The following ADAMDEC1 variants were observed in gnomAD, a reference collection of about 807,000 sequenced individuals.
The protein encoded by ADAMDEC1 is ADAM DEC1.
A neutral mutation model predicts 60.4 loss-of-function variants in ADAMDEC1; 62 were observed. The observed-to-expected ratio is 1.03, with a 90% CI of 0.84 to 1.27. The LOEUF (loss-of-function observed/expected upper bound fraction) is 1.27, where lower values mean the gene tolerates loss of function less well. Among genes scored for constraint, ADAMDEC1 ranks in the 50% most tolerant of loss-of-function variants. The probability of loss-of-function intolerance (pLI) is 0.00; values close to 1 mark genes in which losing one functional copy is unlikely to be tolerated. For synonymous variants in ADAMDEC1, 210 were observed against 195.1 expected, an observed-to-expected ratio of 1.08 and a Z score of -0.64; for missense variants, 595 against 565.0, an observed-to-expected ratio of 1.05 and a Z score of -0.54.
intron 5 of ADAMDEC1, 42 bp from the exon 6 acceptor site, chr8:24,397,228 G>A (rs750263261): frequency 2.1e-5 from 32 of 1,547,732 alleles, no homozygotes; most frequent in Non-Finnish European, 2.8e-5. Context: ...ATATGACACT[G>A]TGTGTCAGGA....
intron 1 of ADAMDEC1, 47 bp from the exon 2 acceptor site, chr8:24,392,215 C>G: frequency 2.0e-6 from 3 of 1,473,160 alleles, no homozygotes; most frequent in Non-Finnish European, 1.9e-6. Context: ...ACGACTAAAA[C>G]CAAAACCTTT....
intron 12 of ADAMDEC1, 126 bp downstream of exon 12, chr8:24,402,218 GT>G: frequency 3.6e-6 from 3 of 837,476 alleles, no homozygotes; most frequent in Non-Finnish European, 5.3e-6. Context: ...ATTTGTGCTT[GT>G]GTTTTTGCTA....
intron 2 of ADAMDEC1, 67 bp downstream of exon 2, chr8:24,392,447 C>T: frequency 8.6e-7 from 1 of 1,163,146 alleles, no homozygotes; most frequent in South Asian, 1.4e-5. Flanking sequence ...AGCCTTTTCA[C>T]TAACAGAAGT....
At chr8:24,392,731 TCAGC>T (rs1691123636) in intron 2 of ADAMDEC1, among the ~76,000 whole-genome samples, 2 of 152,198 alleles carry the variant, frequency 1.3e-5, no homozygotes, top group Non-Finnish European at 2.9e-5. Flanking sequence ...GTCTTTTTCC[TCAGC>T]CATTTTGTCA....
chr8:24,402,580 G>A (rs1419505432), intron 12 of ADAMDEC1, among the ~76,000 whole-genome samples: 3 of 152,074 alleles, frequency 2.0e-5, no homozygotes, highest in African/African-American at 7.2e-5. Flanking sequence ...TCCAGAATAA[G>A]CACTATGATT....
intron 11 of ADAMDEC1, among the ~76,000 whole-genome samples, chr8:24,401,465 A>G (rs1817764075): frequency 6.6e-6 from 1 of 152,204 alleles, no homozygotes; most frequent in African/African-American, 2.4e-5. Context: ...TAAATAAAAC[A>G]TACTTTGTTC....
chr8:24,388,015 T>C (rs151139814), intron 1 of ADAMDEC1: 3,559 of 152,456 alleles, frequency 0.023, 139 homozygotes, highest in African/African-American at 0.082. Context: ...AAACTGTAGG[T>C]AATTAACATT....
In ADAMDEC1 at chr8:24,384,522, C is replaced by T. The variant is rs764795387; in HGVS notation, c.18C>T (p.Ser6=). MLRGI[S]QLPAVATMSW... Reference sequence around the variant, plus strand: ...ACAACTTCATGCTGCGTGGGATCTCCCAGCTACCTGCAGTGGCCACCATGT... The same window carrying T: ...ACAACTTCATGCTGCGTGGGATCTCTCAGCTACCTGCAGTGGCCACCATGT... Residue 6 remains serine, a synonymous_variant, in exon 1 of 14, where the codon TCC becomes TCT. Transcript: ENST00000256412. 9.3e-6 allele frequency: 15 copies of T among 1,609,158 alleles called. No homozygotes were observed. The highest frequency in any genetic ancestry group is 1.3e-5 in the Non-Finnish European group (15 of 1,177,616).
intron 1 of ADAMDEC1, among the ~76,000 whole-genome samples, chr8:24,390,587 G>C (rs1473420524): frequency 1.3e-5 from 2 of 152,084 alleles, no homozygotes; most frequent in African/African-American, 2.4e-5. Context: ...AGGTGTGGTG[G>C]TACGCAACTG....
chr8:24,402,177 A>C (rs1282032390), intron 12 of ADAMDEC1, 85 bp downstream of exon 12: 6 of 1,268,082 alleles, frequency 4.7e-6, no homozygotes, highest in Non-Finnish European at 6.5e-6. Flanking sequence ...TTCTTTCTAA[A>C]GACAAACTTG....
chr8:24,400,577 G>A (rs563245482), intron 11 of ADAMDEC1, among the ~76,000 whole-genome samples: 2 of 151,754 alleles, frequency 1.3e-5, no homozygotes, highest in East Asian at 1.9e-4. Context: ...GACATCAAAA[G>A]TGCTATTTTA....
Position 24,399,456 on chromosome 8 carries a change from T to G in ADAMDEC1, c.993T>G (p.Ser331=), listed in dbSNP as rs770274978. The change falls in exon 10 of 14, where the codon TCT becomes TCG. Residue 331 remains serine (S), a synonymous_variant. Coordinates refer to ENST00000256412, the MANE Select transcript of ADAMDEC1 (RefSeq NM_014479.3). ...CTTCAAATTCCTTGTGTTCCCCATC[T>G]TCGGTTGCTGTTATTGAGGTTTGTA... ...LAASNSLCSP[S]SVAVIEAKKK... is the part of the protein sequence containing the mutation. 1 of 1,613,886 alleles carries G rather than the reference T, an allele frequency of 6.2e-7. No individual in the cohort carries two copies. The highest frequency in any genetic ancestry group is 8.5e-7 in the Non-Finnish European group (1 of 1,179,824).
Position 24,397,449 on chromosome 8 carries a change from G to T in ADAMDEC1, c.620G>T (p.Ser207Ile), listed in dbSNP as rs1306761795. Residue 207 changes from serine to isoleucine, a missense_variant, in exon 6 of 14, where the codon AGC becomes ATC. By Grantham distance (142) the Ser-to-Ile change is moderately radical. Coordinates refer to ENST00000256412, the MANE Select transcript of ADAMDEC1 (RefSeq NM_014479.3). Reference sequence around the variant, plus strand: ...ATTCGAATCTCTAGATCACTCAAAAGCCCAGAGGTGAATACAATTCCCTTA... The same window carrying T: ...ATTCGAATCTCTAGATCACTCAAAATCCCAGAGGTGAATACAATTCCCTTA... ...GPIRISRSLK[S>I]PEKEDFLRAQ... is the part of the protein sequence containing the mutation. 24 of 1,613,370 alleles carry T rather than the reference G, an allele frequency of 1.5e-5. No homozygotes were observed. The highest frequency in any genetic ancestry group is 2.0e-5 in the Non-Finnish European group (24 of 1,179,754).
intron 5 of ADAMDEC1, 79 bp downstream of exon 5, chr8:24,395,875 C>T (rs998824511): frequency 1.7e-6 from 2 of 1,163,954 alleles, no homozygotes; most frequent in Non-Finnish European, 2.5e-6. Context: ...ATATTGTCTT[C>T]TTACTATTTT....
Position 24,397,447 on chromosome 8 carries a change from A to G in ADAMDEC1, c.618A>G (p.Lys206=). Residue 206 remains lysine, a synonymous_variant, in exon 6 of 14, where the codon AAA becomes AAG. Coordinates refer to ENST00000256412, the MANE Select transcript of ADAMDEC1 (RefSeq NM_014479.3). ...CAATTCGAATCTCTAGATCACTCAA[A>G]AGCCCAGAGGTGAATACAATTCCCT... ...QGPIRISRSL[K]SPEKEDFLRA... 1.2e-6 allele frequency: 2 copies of G among 1,613,746 alleles called. No homozygotes were observed.
rs1817599084 is a variant in ADAMDEC1, at chr8:24,395,934, G to A, written c.440+138G>A. The A allele has an allele frequency of 4.6e-6, 3 of 647,524 alleles. No individual in the cohort carries two copies. In the Admixed American group the frequency reaches 8.6e-5, roughly 19 times the overall value. The allele number at this position is 647,524 out of a possible 1,614,324, so 40.1% of individuals were successfully genotyped here. ...GCTGAATATATGTGGTTAAAGTGAA[G>A]AACAAAGTATTACCCTGACAATCAT... On this transcript the variant is annotated intron_variant, in intron 5 of 13. Transcript: ENST00000256412.
At chr8:24,392,491 G>A (rs752716761) in intron 2 of ADAMDEC1, 111 bp downstream of exon 2, 1 of 753,638 alleles carries the variant, frequency 1.3e-6, no homozygotes, top group Non-Finnish European at 2.1e-6. Flanking sequence ...GTTTCATATT[G>A]AAGCCCATGT....
chr8:24,389,009 G>A (rs1441564189), intron 1 of ADAMDEC1, among the ~76,000 whole-genome samples: 12 of 152,138 alleles, frequency 7.9e-5, no homozygotes, highest in Admixed American at 4.6e-4. Flanking sequence ...CAGAAGGGAT[G>A]TACGGGACAA....
chr8:24,394,860 AT>A (rs1563354602), intron 4 of ADAMDEC1, among the ~76,000 whole-genome samples: 2 of 152,354 alleles, frequency 1.3e-5, no homozygotes, highest in African/African-American at 4.8e-5. Flanking sequence ...TGATAAATTA[AT>A]TTATGCTCAA....
Sources: gnomAD v4.1 joint callset for allele counts (sites outside exome capture counted in the v4.1 genomes callset) on GRCh38, gnomAD v4.1.1 for gene constraint, MANE v1.5 for transcripts, NCBI Gene and HGNC (gene_info 2026-07-23, HGNC 2026-07-21) for gene names.